Variants in NEMP2 observed in about 807,000 individuals in gnomAD.
NEMP2 encodes UPF0571 transmembrane protein.
NEMP2 carries 53 observed loss-of-function variants against 54.2 expected under a neutral mutation model. That is an observed-to-expected ratio of 0.98 (90% CI 0.78 to 1.23). The LOEUF is 1.23. Among genes scored for constraint, NEMP2 ranks in the 50% most tolerant of loss-of-function variants. The pLI is 0.00. For synonymous variants in NEMP2, 197 were observed against 190.3 expected, an observed-to-expected ratio of 1.04 and a Z score of -0.29; for missense variants, 455 against 511.3, an observed-to-expected ratio of 0.89 and a Z score of 1.06.
the NEMP2 span, among the ~76,000 whole-genome samples, chr2:190,450,954 A>G: frequency 2.0e-5 from 3 of 152,174 alleles, no homozygotes; most frequent in Non-Finnish European, 4.4e-5. Context: ...ATCCTCAGTG[A>G]TGCAGTGTTG....
At chr2:190,588,264 G>A in the NEMP2 span, among the ~76,000 whole-genome samples, 42 of 152,136 alleles carry the variant, frequency 2.8e-4, no homozygotes, top group African/African-American at 1.0e-3. This position sits in a 1 kb window ranked among gnomAD's most constrained non-coding sequence, Gnocchi z 5.0. Context: ...CAGAGATGAG[G>A]CATTGACTAG....
chr2:190,642,657 A>G, the NEMP2 span, among the ~76,000 whole-genome samples: 1 of 152,118 alleles, frequency 6.6e-6, no homozygotes, highest in Non-Finnish European at 1.5e-5. The surrounding 1 kb of genome is among the most constrained non-coding windows in gnomAD (Gnocchi z 4.1). Flanking sequence ...AATTTTAATT[A>G]TATTTCTGGT....
rs10432434 is a variant in NEMP2, at chr2:190,522,353, T to G, written c.213+2910A>C. On this transcript the variant is annotated intron_variant, in intron 2 of 8. Coordinates refer to ENST00000409150, the MANE Select transcript of NEMP2 (RefSeq NM_001142645.2). This position sits in a 1 kb window ranked among gnomAD's most constrained non-coding sequence, Gnocchi z 5.0. ...TATATCCATGTGACAAACCTGCACA[T>G]GTACCCCCAAATCTAAAAAATTAAA... Among the ~76,000 whole-genome samples the G allele has an allele frequency of 0.17, 25,999 of 151,942 alleles. 2,375 individuals are homozygous for G. Among genetic ancestry groups the G allele is most frequent in the East Asian group, 0.3 (1,557 of 5,140 alleles).
the NEMP2 span, among the ~76,000 whole-genome samples, chr2:190,557,655 G>A: frequency 6.6e-6 from 1 of 152,060 alleles, no homozygotes; most frequent in Admixed American, 6.6e-5. Context: ...ATCAAAAAGT[G>A]GGCAAAGGAT....
At chr2:190,479,006 T>C in the NEMP2 span, among the ~76,000 whole-genome samples, 1 of 152,130 alleles carries the variant, frequency 6.6e-6, no homozygotes, top group African/African-American at 2.4e-5. Context: ...CTCTTTGGGG[T>C]TGCATGTAAC....
At chr2:190,613,038 T>C in the NEMP2 span, among the ~76,000 whole-genome samples, 1 of 152,236 alleles carries the variant, frequency 6.6e-6, no homozygotes, top group Non-Finnish European at 1.5e-5. Flanking sequence ...TTTACCTATG[T>C]TATTTATGAA....
Position 190,513,552 on chromosome 2 carries a change from C to T in NEMP2, c.953+901G>A, listed in dbSNP as rs1351026634. On this transcript the variant is annotated intron_variant, in intron 7 of 8. Coordinates refer to ENST00000409150, the MANE Select transcript of NEMP2 (RefSeq NM_001142645.2). The surrounding 1 kb of genome is among the most constrained non-coding windows in gnomAD (Gnocchi z 5.3). ...ACTAAAATGTCTCATGGTTAAACCC[C>T]ACTGTGTACAGGACTGGACTAGATT... Among the ~76,000 whole-genome samples the T allele has an allele frequency of 1.3e-5, 2 of 152,202 alleles. No individual in the cohort carries two copies. The highest frequency in any genetic ancestry group is 4.8e-5 in the African/African-American group (2 of 41,448).
chr2:190,447,098 A>T, the NEMP2 span, among the ~76,000 whole-genome samples: 1 of 152,030 alleles, frequency 6.6e-6, no homozygotes, highest in Non-Finnish European at 1.5e-5. This position sits in a 1 kb window ranked among gnomAD's most constrained non-coding sequence, Gnocchi z 4.5. Flanking sequence ...GTAAAAAAAA[A>T]AACTTGAAAG....
At chr2:190,451,533 T>C in the NEMP2 span, among the ~76,000 whole-genome samples, 13 of 152,206 alleles carry the variant, frequency 8.5e-5, no homozygotes, top group Non-Finnish European at 5.9e-5. This position sits in a 1 kb window ranked among gnomAD's most constrained non-coding sequence, Gnocchi z 5.0. Flanking sequence ...GAACAGTAAG[T>C]AGATGATTTT....
the NEMP2 span, among the ~76,000 whole-genome samples, chr2:190,467,430 T>C: frequency 3.3e-5 from 5 of 152,180 alleles, no homozygotes; most frequent in African/African-American, 1.2e-4. The surrounding 1 kb of genome is among the most constrained non-coding windows in gnomAD (Gnocchi z 5.5). Context: ...CTGGCCAACA[T>C]GGCAAAACCT....
At chr2:190,489,763 T>C in the NEMP2 span, 1 of 1,613,632 alleles carries the variant, frequency 6.2e-7, no homozygotes, top group Non-Finnish European at 8.5e-7. This position sits in a 1 kb window ranked among gnomAD's most constrained non-coding sequence, Gnocchi z 6.6. Flanking sequence ...TGTTTGTTTT[T>C]ATAGGGGCTG....
chr2:190,437,158 G>A, the NEMP2 span: 82 of 1,614,212 alleles, frequency 5.1e-5, no homozygotes, highest in Admixed American at 2.7e-4. This position sits in a 1 kb window ranked among gnomAD's most constrained non-coding sequence, Gnocchi z 5.9. Context: ...CGTCTTCGGC[G>A]TTCTCATGAC....
upstream of NEMP2, among the ~76,000 whole-genome samples, chr2:190,539,453 A>G (rs1339406126): frequency 1.3e-5 from 2 of 152,130 alleles, no homozygotes; most frequent in African/African-American, 4.8e-5. The surrounding 1 kb of genome is among the most constrained non-coding windows in gnomAD (Gnocchi z 4.1). Context: ...GCTTCATACA[A>G]ATTTTAGGAT....
the NEMP2 span, chr2:190,646,745 C>T: frequency 6.6e-6 from 1 of 152,188 alleles, no homozygotes. Context: ...TCTGTCCTGA[C>T]ACATTTCCTT....
intron 5 of NEMP2, 113 bp from the exon 6 acceptor site, chr2:190,516,497 A>G: frequency 1.3e-6 from 1 of 752,564 alleles, no homozygotes; most frequent in Non-Finnish European, 2.1e-6. Context: ...ACTGATTTGA[A>G]GTCAATTTAA....
chr2:190,488,101 C>T, the NEMP2 span, among the ~76,000 whole-genome samples: 1 of 152,168 alleles, frequency 6.6e-6, no homozygotes, highest in Non-Finnish European at 1.5e-5. The surrounding 1 kb of genome is among the most constrained non-coding windows in gnomAD (Gnocchi z 6.4). Flanking sequence ...CAGGGTTTCA[C>T]CATGTTGGCC....
chr2:190,447,989 A>C, the NEMP2 span, among the ~76,000 whole-genome samples: 13 of 152,194 alleles, frequency 8.5e-5, no homozygotes, highest in Admixed American at 8.5e-4. The surrounding 1 kb of genome is among the most constrained non-coding windows in gnomAD (Gnocchi z 4.5). Context: ...AAGTGGTATA[A>C]ATGGATCCAG....
chr2:190,539,377 T>G (rs1691475308), upstream of NEMP2, among the ~76,000 whole-genome samples: 1 of 152,214 alleles, frequency 6.6e-6, no homozygotes, highest in African/African-American at 2.4e-5. The surrounding 1 kb of genome is among the most constrained non-coding windows in gnomAD (Gnocchi z 4.1). Context: ...TGAAATCAAG[T>G]AGTATGATGT....
the NEMP2 span, among the ~76,000 whole-genome samples, chr2:190,434,323 T>A: frequency 8.5e-5 from 13 of 152,192 alleles, no homozygotes; most frequent in Admixed American, 7.2e-4. This position sits in a 1 kb window ranked among gnomAD's most constrained non-coding sequence, Gnocchi z 4.3. Flanking sequence ...CTTTAATCAT[T>A]CAATCTTTAA....
Sources: allele counts gnomAD v4.1 joint callset (sites outside exome capture counted in the v4.1 genomes callset), GRCh38; gene constraint gnomAD v4.1.1; non-coding constraint Gnocchi (gnomAD v3.1); transcripts MANE v1.5; gene names NCBI Gene and HGNC (gene_info 2026-07-23, HGNC 2026-07-21).